CDH13: variants seen among roughly 807,000 people sequenced by gnomAD.
CDH13 encodes cadherin 13, also known as cadherin-13.
CDH13 carries 24 observed loss-of-function variants against 63.8 expected under a neutral mutation model. That is an observed-to-expected ratio of 0.38 (90% CI 0.27 to 0.53). The LOEUF is 0.53. Among genes scored for constraint, CDH13 ranks in the 20% least tolerant of loss-of-function variants. The pLI, the probability that CDH13 is intolerant of heterozygous loss-of-function variation, is 0.85. For synonymous variants in CDH13, 503 were observed against 355.3 expected (o/e 1.42, Z -4.67); for missense variants, 1,049 against 903.1 (o/e 1.16, Z -2.07).
Position 83,106,935 on chromosome 16 carries a change from G to C in CDH13, c.367-18450G>C, listed in dbSNP as rs1315777586. Reference sequence around the variant, plus strand: ...AAAGTATAATCTGGTGTGGCAGTATGAGCCCAACATATAGTGCATCCCTCC... The same window carrying C: ...AAAGTATAATCTGGTGTGGCAGTATCAGCCCAACATATAGTGCATCCCTCC... On this transcript the variant is annotated intron_variant, in intron 3 of 13. Coordinates refer to ENST00000567109, the MANE Select transcript of CDH13 (RefSeq NM_001257.5). 2.0e-5 allele frequency among the ~76,000 whole-genome samples: 3 copies of C among 151,978 alleles called. No individual in the cohort carries two copies. The East Asian group carries it at 5.8e-4, about 29-fold the overall frequency.
At chr16:83,339,002 T>C (rs1358547205) in intron 5 of CDH13, among the ~76,000 whole-genome samples, 1 of 152,120 alleles carries the variant, frequency 6.6e-6, no homozygotes, top group African/African-American at 2.4e-5. Flanking sequence ...GGAAGCCCTA[T>C]AGAAAACAGA....
intron 2 of CDH13, among the ~76,000 whole-genome samples, chr16:82,866,965 C>A (rs910867131): frequency 2.0e-5 from 3 of 152,190 alleles, no homozygotes; most frequent in Admixed American, 1.3e-4. Context: ...GGTGGGGCCA[C>A]AAAGCCTAAC....
intron 6 of CDH13, chr16:83,396,573 G>GAC (rs2091889871): frequency 6.6e-6 from 1 of 152,062 alleles, no homozygotes; most frequent in African/African-American, 2.4e-5. Context: ...TCCCTGAAGG[G>GAC]TTAAGCTCTA....
chr16:83,409,124 CAG>C (rs2092089569), intron 6 of CDH13, among the ~76,000 whole-genome samples: 2 of 152,184 alleles, frequency 1.3e-5, no homozygotes, highest in East Asian at 1.9e-4. Flanking sequence ...GGAAATAAGA[CAG>C]GGGAGGGAAG....
At chr16:83,440,867 A>C (rs2072461147) in intron 6 of CDH13, among the ~76,000 whole-genome samples, 1 of 151,278 alleles carries the variant, frequency 6.6e-6, no homozygotes, top group Non-Finnish European at 1.5e-5. Flanking sequence ...TTAATTGTCC[A>C]CTTGGAGTGT....
At chr16:83,049,352 A>T (rs1195196002) in intron 3 of CDH13, among the ~76,000 whole-genome samples, 2 of 119,150 alleles carry the variant, frequency 1.7e-5, no homozygotes, top group African/African-American at 6.8e-5. Flanking sequence ...TTTTTGAGAC[A>T]GAGTCTCACT....
intron 8 of CDH13, among the ~76,000 whole-genome samples, chr16:83,659,998 G>A (rs1323196757): frequency 4.6e-5 from 7 of 151,778 alleles, no homozygotes; most frequent in African/African-American, 1.5e-4. Context: ...TATTAGTCAG[G>A]CTGGCCTCGA....
At chr16:82,862,599 C>T (rs1352549982) in intron 2 of CDH13, among the ~76,000 whole-genome samples, 2 of 152,096 alleles carry the variant, frequency 1.3e-5, no homozygotes, top group Non-Finnish European at 2.9e-5. Context: ...TGGGTCATTC[C>T]TCTTAGGCCA....
chr16:83,197,772 A>ACT (rs1490568081), intron 4 of CDH13, among the ~76,000 whole-genome samples: 2 of 150,814 alleles, frequency 1.3e-5, no homozygotes, highest in Non-Finnish European at 2.9e-5. Flanking sequence ...ACACACACAC[A>ACT]CTCTCACACA....
intron 1 of CDH13, among the ~76,000 whole-genome samples, chr16:82,726,233 G>A (rs2033085978): frequency 6.6e-6 from 1 of 152,148 alleles, no homozygotes; most frequent in Non-Finnish European, 1.5e-5. Flanking sequence ...TTTGGAGCAG[G>A]TGTTGGCAAA....
At chr16:83,488,562 C>G (rs1268826410) in intron 7 of CDH13, among the ~76,000 whole-genome samples, 3 of 151,954 alleles carry the variant, frequency 2.0e-5, no homozygotes, top group Admixed American at 6.6e-5. Flanking sequence ...AGTAATGAGT[C>G]CATTATATTC....
intron 8 of CDH13, among the ~76,000 whole-genome samples, chr16:83,651,882 A>T (rs562502905): frequency 6.6e-6 from 1 of 152,152 alleles, no homozygotes. Flanking sequence ...GGCGTGAGCC[A>T]CCACACCCAT....
chr16:83,649,922 T>C (rs1912202077), intron 8 of CDH13, among the ~76,000 whole-genome samples: 1 of 152,190 alleles, frequency 6.6e-6, no homozygotes, highest in South Asian at 2.1e-4. Flanking sequence ...GCCCACACTT[T>C]GCATAGGGAG....
At chr16:83,514,802 G>A (rs1458550976) in intron 7 of CDH13, among the ~76,000 whole-genome samples, 3 of 152,138 alleles carry the variant, frequency 2.0e-5, no homozygotes, top group African/African-American at 4.8e-5. Context: ...GATAGAGGCC[G>A]GGAACAGATG....
At chr16:83,281,709 G>T (rs150200171) in intron 5 of CDH13, among the ~76,000 whole-genome samples, 1 of 150,288 alleles carries the variant, frequency 6.7e-6, no homozygotes, top group Non-Finnish European at 1.5e-5. Context: ...AGGAGTTCGA[G>T]ACCAGCCTGG....
chr16:83,256,569 C>G (rs539183930), intron 5 of CDH13, among the ~76,000 whole-genome samples: 1 of 151,366 alleles, frequency 6.6e-6, no homozygotes, highest in African/African-American at 2.4e-5. Context: ...CGGTGGCTCA[C>G]GCCTGTAATC....
chr16:82,671,807 C>A (rs1373930080), intron 1 of CDH13, among the ~76,000 whole-genome samples: 1 of 151,330 alleles, frequency 6.6e-6, no homozygotes, highest in East Asian at 2.1e-4. Context: ...CTATTCATGA[C>A]CCTTTGGATT....
At chr16:83,097,056 T>C (rs2034241293) in intron 3 of CDH13, among the ~76,000 whole-genome samples, 1 of 152,200 alleles carries the variant, frequency 6.6e-6, no homozygotes, top group Non-Finnish European at 1.5e-5. Context: ...CCACTCTCCC[T>C]TGTCACTTTT....
At chr16:83,392,457 A>G (rs2091806734) in intron 6 of CDH13, among the ~76,000 whole-genome samples, 1 of 152,246 alleles carries the variant, frequency 6.6e-6, no homozygotes, top group South Asian at 2.1e-4. Flanking sequence ...TGGATTTTAG[A>G]GAAATAATTA....
Sources: allele counts gnomAD v4.1 joint callset (sites outside exome capture counted in the v4.1 genomes callset), GRCh38; gene constraint gnomAD v4.1.1; transcripts MANE v1.5; gene names NCBI Gene and HGNC (gene_info 2026-07-23, HGNC 2026-07-21).